The following SEMA3A variants were observed in gnomAD, a reference collection of about 807,000 sequenced individuals.
SEMA3A encodes the protein semaphorin-3A.
A neutral mutation model predicts 97.9 loss-of-function variants in SEMA3A; 29 were observed. The observed-to-expected ratio is 0.30, with a 90% confidence interval of 0.22 to 0.40. SEMA3A has a LOEUF of 0.40. SEMA3A is among the 10% of genes least tolerant of loss of function. The probability of loss-of-function intolerance (pLI) is 1.00; values close to 1 mark genes in which losing one functional copy is unlikely to be tolerated. For missense variants in SEMA3A, 763 were observed against 951.3 expected (o/e 0.80, Z 2.60); for synonymous variants, 321 against 323.7 (o/e 0.99, Z 0.09).
chr7:84,022,543 G>A (rs558703844), intron 6 of SEMA3A, among the ~76,000 whole-genome samples: 8 of 152,088 alleles, frequency 5.3e-5, no homozygotes, highest in African/African-American at 1.4e-4. Flanking sequence ...ATCTTTCCAC[G>A]TGAAAATGTT....
chr7:84,215,968 A>G (rs1798744818), intron 3 of SEMA3A, among the ~76,000 whole-genome samples: 1 of 150,842 alleles, frequency 6.6e-6, no homozygotes, highest in South Asian at 2.1e-4. Flanking sequence ...TGAGAAATGA[A>G]CTGTTAAACA....
At chr7:84,175,262 T>C (rs975675172) in intron 1 of SEMA3A, among the ~76,000 whole-genome samples, 6 of 152,214 alleles carry the variant, frequency 3.9e-5, no homozygotes, top group African/African-American at 1.4e-4. Context: ...CATAAATTCA[T>C]AGAATCAATT....
At chr7:84,006,553 A>G (rs943232803) in intron 10 of SEMA3A, among the ~76,000 whole-genome samples, 14 of 152,194 alleles carry the variant, frequency 9.2e-5, no homozygotes, top group African/African-American at 3.4e-4. Flanking sequence ...ATGTAAGACA[A>G]TACAACAAAA....
intron 4 of SEMA3A, among the ~76,000 whole-genome samples, chr7:84,076,038 C>T (rs898264711): frequency 2.6e-5 from 4 of 151,954 alleles, no homozygotes; most frequent in Admixed American, 2.6e-4. Flanking sequence ...AATCCTCTAC[C>T]GATTCCAGGA....
chr7:84,456,380 A>G (rs1034591357), intron 1 of SEMA3A, among the ~76,000 whole-genome samples: 3 of 151,796 alleles, frequency 2.0e-5, no homozygotes, highest in Non-Finnish European at 4.4e-5. Context: ...GGAATTCTAA[A>G]TCAATAAAGG....
intron 3 of SEMA3A, among the ~76,000 whole-genome samples, chr7:84,240,493 G>A (rs1320217106): frequency 6.6e-6 from 1 of 152,144 alleles, no homozygotes; most frequent in Non-Finnish European, 1.5e-5. Context: ...ATTTGAAGAT[G>A]TTACATTGCT....
At chr7:84,464,348 C>T (rs770754958) in intron 1 of SEMA3A, among the ~76,000 whole-genome samples, 5 of 152,052 alleles carry the variant, frequency 3.3e-5, no homozygotes, top group African/African-American at 4.8e-5. Flanking sequence ...AATGAAGTGA[C>T]GATGTAAGAG....
chr7:84,235,833 C>T (rs955892705), intron 3 of SEMA3A, among the ~76,000 whole-genome samples: 4 of 152,052 alleles, frequency 2.6e-5, no homozygotes, highest in African/African-American at 7.2e-5. Context: ...ATACTTTATG[C>T]CATTGCATCT....
chr7:84,129,285 GA>G, intron 2 of SEMA3A, 100 bp from the exon 3 acceptor site: 1 of 956,796 alleles, frequency 1.0e-6, no homozygotes, highest in Non-Finnish European at 1.6e-6. Context: ...CTGAAGTAAA[GA>G]AAGTTCCATA....
At chr7:84,077,994 A>G (rs570292929) in intron 4 of SEMA3A, among the ~76,000 whole-genome samples, 1 of 152,214 alleles carries the variant, frequency 6.6e-6, no homozygotes, top group East Asian at 1.9e-4. Context: ...TAACTCTACT[A>G]TTTCATTGTG....
intron 2 of SEMA3A, among the ~76,000 whole-genome samples, chr7:84,347,103 A>G (rs1271578318): frequency 1.3e-5 from 2 of 152,234 alleles, no homozygotes; most frequent in African/African-American, 4.8e-5. Context: ...ACAAAATTGT[A>G]TAACTGCTTT....
At chr7:84,392,377 T>G (rs1231399758) in intron 1 of SEMA3A, among the ~76,000 whole-genome samples, 2 of 152,216 alleles carry the variant, frequency 1.3e-5, no homozygotes, top group African/African-American at 4.8e-5. Context: ...ATTCTATTCA[T>G]GTTGTTGCAA....
chr7:83,982,257 A>G (rs1789446536), intron 13 of SEMA3A, among the ~76,000 whole-genome samples: 1 of 152,194 alleles, frequency 6.6e-6, no homozygotes. Flanking sequence ...TATTAAAATG[A>G]GCATGTTTAA....
At position 84,100,833 on chromosome 7, in the gene SEMA3A, T is replaced by C. The variant is rs537209496; in HGVS notation, c.453+9637A>G. On this transcript the variant is annotated intron_variant, in intron 4 of 16. Coordinates refer to ENST00000265362, the MANE Select transcript of SEMA3A (RefSeq NM_006080.3). Reference sequence around the variant, plus strand: ...CCTCAAATCTGAAGAAACATAGATATGAATGTTAAGCCTCCATTATTTTCT... The same window carrying C: ...CCTCAAATCTGAAGAAACATAGATACGAATGTTAAGCCTCCATTATTTTCT... 4.6e-5 allele frequency among the ~76,000 whole-genome samples: 7 copies of C among 152,338 alleles called. No homozygotes were observed. The East Asian group carries it at 1.2e-3, about 25-fold the overall frequency.
At chr7:84,352,957 A>G (rs1802470715) in intron 2 of SEMA3A, among the ~76,000 whole-genome samples, 1 of 151,812 alleles carries the variant, frequency 6.6e-6, no homozygotes, top group Non-Finnish European at 1.5e-5. Context: ...TATACTAACT[A>G]TTTACAGTCA....
chr7:84,121,265 G>T (rs1318445494), intron 3 of SEMA3A, among the ~76,000 whole-genome samples: 1 of 152,008 alleles, frequency 6.6e-6, no homozygotes, highest in African/African-American at 2.4e-5. Flanking sequence ...CAACGTGCAG[G>T]TTTGTTACAT....
At chr7:84,295,977 A>G (rs1307501455) in intron 3 of SEMA3A, among the ~76,000 whole-genome samples, 1 of 152,168 alleles carries the variant, frequency 6.6e-6, no homozygotes. Context: ...AGAAATCATG[A>G]AAATGATTCA....
chr7:84,218,808 G>C (rs955080871), intron 3 of SEMA3A, among the ~76,000 whole-genome samples: 11 of 151,840 alleles, frequency 7.2e-5, no homozygotes, highest in Non-Finnish European at 1.5e-4. Flanking sequence ...GGGTGGTGAA[G>C]ACATACAATA....
At chr7:84,231,584 T>C (rs1363057864) in intron 3 of SEMA3A, among the ~76,000 whole-genome samples, 1 of 151,974 alleles carries the variant, frequency 6.6e-6, no homozygotes, top group Non-Finnish European at 1.5e-5. Flanking sequence ...TTACACTACT[T>C]AAAAGCCAGT....
Sources: allele counts gnomAD v4.1 joint callset (sites outside exome capture counted in the v4.1 genomes callset), GRCh38; gene constraint gnomAD v4.1.1; transcripts MANE v1.5; gene names NCBI Gene and HGNC (gene_info 2026-07-23, HGNC 2026-07-21).